Variants in BICC1 observed in about 807,000 individuals in gnomAD.
BICC1 encodes protein bicaudal C homolog 1.
BICC1 carries 43 observed loss-of-function variants against 111.0 expected under a neutral mutation model. That is an observed-to-expected ratio of 0.39 (90% CI 0.30 to 0.50). The LOEUF is 0.50. BICC1 is among the 20% of genes least tolerant of loss of function. The pLI is 0.88. For missense variants in BICC1, 1,091 were observed against 1,203.2 expected (o/e 0.91, Z 1.38); for synonymous variants, 467 against 434.4 (o/e 1.07, Z -0.93).
At chr10:58,616,466 A>G (rs1189722405) in intron 1 of BICC1, among the ~76,000 whole-genome samples, 6 of 152,050 alleles carry the variant, frequency 3.9e-5, no homozygotes, top group Admixed American at 6.6e-5. Context: ...CAGCTCAAAG[A>G]CTCCGTATGT....
intron 1 of BICC1, among the ~76,000 whole-genome samples, chr10:58,620,255 A>G (rs1845758470): frequency 6.6e-6 from 1 of 152,238 alleles, no homozygotes; most frequent in Non-Finnish European, 1.5e-5. Context: ...TAAAAATGAT[A>G]TGAAAATACA....
intron 6 of BICC1, among the ~76,000 whole-genome samples, chr10:58,788,745 ATG>A (rs537738947): frequency 1.1e-3 from 164 of 152,326 alleles, no homozygotes; most frequent in Middle Eastern, 3.4e-3. Flanking sequence ...GCCACAGGCA[ATG>A]TGAGTTAGAA....
intron 3 of BICC1, among the ~76,000 whole-genome samples, chr10:58,779,765 GT>G (rs1323333574): frequency 6.6e-6 from 1 of 152,120 alleles, no homozygotes; most frequent in African/African-American, 2.4e-5. Context: ...CGATTGCCAC[GT>G]TAAAGGCATT....
chr10:58,828,992 T>G lies in BICC1; in HGVS notation c.*101T>G, dbSNP rs547791797. The G allele has an allele frequency of 4.8e-5, 69 of 1,423,558 alleles. No individual in the cohort carries two copies. The African/African-American group carries it at 9.1e-4, about 19-fold the overall frequency. 88.2% of individuals were successfully genotyped at this position (1,423,558 alleles called of 1,614,324 possible). On this transcript the variant is annotated 3_prime_UTR_variant, in exon 21 of 21. Transcript: ENST00000373886. The stretch of plus-strand genomic sequence containing the variant: ...CACCATCCTTAGCACTCTGGGTGTC[T>G]GGTATCAGGACCAAAGCATTTTATT...
chr10:58,732,379 G>GTATA (rs1163026692), intron 3 of BICC1, among the ~76,000 whole-genome samples: 2 of 75,782 alleles, frequency 2.6e-5, no homozygotes, highest in African/African-American at 1.4e-4. Context: ...GTGTGTGTAT[G>GTATA]TATATATATA....
rs74664152 is a variant in BICC1, at chr10:58,675,872, C to A, written c.238-26202C>A. ...ATGGCTGAATTAGAATAGTTCTGGT[C>A]TGCAGCTCCCAGAGAGACTAACGCA... On this transcript the variant is annotated intron_variant, in intron 2 of 20. Transcript: ENST00000373886. 2.0e-5 allele frequency among the ~76,000 whole-genome samples: 3 copies of A among 152,236 alleles called. No homozygotes were observed. In the East Asian group the frequency reaches 5.8e-4, roughly 29 times the overall value.
At chr10:58,551,016 G>A (rs539286706) in intron 1 of BICC1, among the ~76,000 whole-genome samples, 6 of 152,190 alleles carry the variant, frequency 3.9e-5, no homozygotes, top group South Asian at 2.1e-4. Flanking sequence ...GAGAATGCAC[G>A]TCTCTGATCT....
intron 2 of BICC1, among the ~76,000 whole-genome samples, chr10:58,680,748 C>T (rs984385240): frequency 7.9e-5 from 12 of 152,016 alleles, no homozygotes; most frequent in Admixed American, 1.3e-4. Flanking sequence ...AAAGCTGGAG[C>T]GTCATGCTAC....
intron 1 of BICC1, among the ~76,000 whole-genome samples, chr10:58,562,577 GATC>G (rs1843637155): frequency 6.6e-6 from 1 of 151,768 alleles, no homozygotes; most frequent in Non-Finnish European, 1.5e-5. Flanking sequence ...GTTTTCTTAG[GATC>G]ATCATTTTGA....
At chr10:58,739,271 A>T (rs1589084715) in intron 3 of BICC1, among the ~76,000 whole-genome samples, 1 of 152,124 alleles carries the variant, frequency 6.6e-6, no homozygotes, top group East Asian at 1.9e-4. Flanking sequence ...TACCTAATTT[A>T]TTGAGAGTTT....
intron 2 of BICC1, among the ~76,000 whole-genome samples, chr10:58,624,130 T>G (rs1845912556): frequency 6.6e-6 from 1 of 152,176 alleles, no homozygotes; most frequent in African/African-American, 2.4e-5. Context: ...TTGGTGTTCC[T>G]TGGCTTGTGG....
At chr10:58,806,506 C>G in intron 15 of BICC1, 78 bp from the exon 16 acceptor site, 2 of 1,323,596 alleles carry the variant, frequency 1.5e-6, no homozygotes, top group Non-Finnish European at 2.2e-6. Context: ...CAGTCAAAAC[C>G]TTTGTTCTCT....
chr10:58,565,641 T>A (rs962755144), intron 1 of BICC1, among the ~76,000 whole-genome samples: 1 of 152,120 alleles, frequency 6.6e-6, no homozygotes, highest in Non-Finnish European at 1.5e-5. Flanking sequence ...ATTAATTAGA[T>A]CTCTCTTTGC....
intron 2 of BICC1, among the ~76,000 whole-genome samples, chr10:58,664,220 C>T (rs1354584107): frequency 6.6e-6 from 1 of 152,178 alleles, no homozygotes. Context: ...TCCTTGTCAG[C>T]ACCTGTTATT....
intron 1 of BICC1, among the ~76,000 whole-genome samples, chr10:58,559,753 G>T (rs551143977): frequency 2.0e-4 from 31 of 152,018 alleles, no homozygotes; most frequent in Non-Finnish European, 3.8e-4. Flanking sequence ...TTGTGTTGAG[G>T]TACATTCCTT....
chr10:58,616,578 T>C (rs1204157922), intron 1 of BICC1, among the ~76,000 whole-genome samples: 2 of 151,760 alleles, frequency 1.3e-5, no homozygotes, highest in Non-Finnish European at 2.9e-5. Context: ...ACATGTGGAG[T>C]TGACAGTCCA....
At chr10:58,563,220 T>C (rs1018084058) in intron 1 of BICC1, among the ~76,000 whole-genome samples, 5 of 152,090 alleles carry the variant, frequency 3.3e-5, no homozygotes, top group African/African-American at 1.2e-4. Flanking sequence ...TAGTAGCTCA[T>C]CTCTCAATAT....
chr10:58,644,128 G>T (rs775035771), intron 2 of BICC1, among the ~76,000 whole-genome samples: 4 of 152,080 alleles, frequency 2.6e-5, no homozygotes, highest in Non-Finnish European at 5.9e-5. Context: ...CTGGCCTTTA[G>T]AATATTATTA....
intron 1 of BICC1, among the ~76,000 whole-genome samples, chr10:58,572,914 CTGTTATGT>C (rs1288514856): frequency 6.6e-6 from 1 of 152,038 alleles, no homozygotes; most frequent in African/African-American, 2.4e-5. Flanking sequence ...ATTATTTATT[CTGTTATGT>C]TGTTATGTTA....
Sources: gnomAD v4.1 joint callset for allele counts (sites outside exome capture counted in the v4.1 genomes callset) on GRCh38, gnomAD v4.1.1 for gene constraint, MANE v1.5 for transcripts, NCBI Gene and HGNC (gene_info 2026-07-23, HGNC 2026-07-21) for gene names.